HDAC4: variants seen among roughly 807,000 people sequenced by gnomAD.
HDAC4 encodes histone deacetylase 4, also known as histone deacetylase A.
HDAC4 carries 16 observed loss-of-function variants against 135.1 expected under a neutral mutation model. That is an observed-to-expected ratio of 0.12 (90% CI 0.08 to 0.18). The LOEUF is 0.18. Among genes scored for constraint, HDAC4 ranks in the 10% least tolerant of loss-of-function variants. The pLI is 1.00. For synonymous variants in HDAC4, 685 were observed against 653.4 expected, an observed-to-expected ratio of 1.05 and a Z score of -0.74; for missense variants, 1,143 against 1,511.8, an observed-to-expected ratio of 0.76 and a Z score of 4.05.
At position 239,052,321 on chromosome 2, in the gene HDAC4, A is replaced by C. The variant is rs900041386; in HGVS notation, c.*776T>G. 1 of 152,308 alleles carries C rather than the reference A, an allele frequency of 6.6e-6. No homozygotes were observed. The highest frequency in any genetic ancestry group is 2.4e-5 in the African/African-American group (1 of 41,452). The allele number at this position is 152,308 out of a possible 1,614,324, so 9.4% of individuals were successfully genotyped here. On this transcript the variant is annotated 3_prime_UTR_variant, in exon 27 of 27. Coordinates refer to ENST00000543185, the MANE Select transcript of HDAC4 (RefSeq NM_001378414.1). ...ACTGCCAGGCTCGGCTGGCCACAGG[A>C]AACTGTCCCACCGATTCCTGCTGTT...
In HDAC4 at chr2:239,189,980, C is replaced by G; in HGVS notation, c.192G>C (p.Pro64=). The change falls in exon 4 of 27, where the codon CCG becomes CCC. Residue 64 remains proline, a synonymous_variant. Transcript: ENST00000543185. ...DHQFSLPVAE[P]ALREQQLQQE... ...GCTGCAGCTGCTGCTCCCGCAGGGC[C>G]GGCTCTGCCACAGGCAGTGAGAACT... is the stretch of plus-strand genomic sequence containing the variant. 1 of 1,607,494 alleles carries G rather than the reference C, an allele frequency of 6.2e-7. No individual in the cohort carries two copies. Among genetic ancestry groups the G allele is most frequent in the Non-Finnish European group, 8.5e-7 (1 of 1,179,906 alleles).
chr2:239,110,868 G>A (rs62189557), intron 14 of HDAC4, among the ~76,000 whole-genome samples: 14,661 of 152,258 alleles, frequency 0.096, 1,064 homozygotes, highest in Admixed American at 0.24. Context: ...TCTCCTCCCC[G>A]GCTCTGGCTA....
At chr2:239,336,057 AAAC>A (rs985106214) in intron 2 of HDAC4, among the ~76,000 whole-genome samples, 1 of 152,234 alleles carries the variant, frequency 6.6e-6, no homozygotes, top group Non-Finnish European at 1.5e-5. Flanking sequence ...TTAAATGAAG[AAAC>A]TACTACTATA....
chr2:239,156,770 T>C lies in HDAC4; in HGVS notation c.615A>G (p.Lys205=). 6.2e-7 allele frequency: 1 copy of C among 1,614,156 alleles called. No individual in the cohort carries two copies. The highest frequency in any genetic ancestry group is 8.5e-7 in the Non-Finnish European group (1 of 1,180,030). The change falls in exon 7 of 27, where the codon AAA becomes AAG. Residue 205 remains lysine (K), a synonymous_variant. Transcript: ENST00000543185. Reference sequence around the variant, plus strand: ...TCTGGTCAAGGGAACTGTGCTGCGTTTTCCTGGAGAGAAGGCAAAGACAGA... The same window carrying C: ...TCTGGTCAAGGGAACTGTGCTGCGTCTTCCTGGAGAGAAGGCAAAGACAGA... ...ISSDPRYWYG[K]TQHSSLDQSS...
Position 239,111,635 on chromosome 2 carries a change from G to C in HDAC4, c.1869C>G (p.Pro623=). The C allele has an allele frequency of 6.2e-7, 1 of 1,608,920 alleles. No homozygotes were observed. ...YQASMEAAGI[P]VSFGGHRPLS... ...GAGGCCTGTGGCCGCCGAAGGACAC[G>C]GGGATGCCGGCGGCCTCCATGGACG... is the stretch of plus-strand genomic sequence containing the variant. Residue 623 remains proline (P), a synonymous_variant, in exon 14 of 27, where the codon CCC becomes CCG. Coordinates refer to ENST00000543185, the MANE Select transcript of HDAC4 (RefSeq NM_001378414.1).
intron 3 of HDAC4, among the ~76,000 whole-genome samples, chr2:239,195,087 T>A (rs1404726167): frequency 6.6e-6 from 1 of 152,164 alleles, no homozygotes; most frequent in Admixed American, 6.5e-5. Flanking sequence ...GGGGCTTCGG[T>A]GGGCACCGAG....
intron 3 of HDAC4, among the ~76,000 whole-genome samples, chr2:239,219,179 T>C (rs1164002853): frequency 6.6e-6 from 1 of 150,480 alleles, no homozygotes; most frequent in African/African-American, 2.4e-5. Context: ...CGTATGTTTA[T>C]TGCGGCACTA....
At chr2:239,398,087 C>T (rs1696686231) in intron 1 of HDAC4, among the ~76,000 whole-genome samples, 1 of 146,218 alleles carries the variant, frequency 6.8e-6, no homozygotes, top group Admixed American at 6.9e-5. Context: ...CCCAGCTAGT[C>T]ATCAATTCTG....
At chr2:239,079,002 C>T (rs906644191) in intron 22 of HDAC4, among the ~76,000 whole-genome samples, 3 of 152,234 alleles carry the variant, frequency 2.0e-5, no homozygotes, top group Non-Finnish European at 4.4e-5. Context: ...AGTGTTCACT[C>T]AGGCAGGAAG....
intron 16 of HDAC4, among the ~76,000 whole-genome samples, chr2:239,099,850 T>C (rs776169799): frequency 1.3e-5 from 2 of 152,222 alleles, no homozygotes; most frequent in African/African-American, 2.4e-5. Flanking sequence ...GCCTCCATGA[T>C]GGGCCTCCCA....
Position 239,108,042 on chromosome 2 carries a change from G to C in HDAC4, c.2112+8C>G, listed in dbSNP as rs1406747025. 5 of 1,610,656 alleles carry C rather than the reference G, an allele frequency of 3.1e-6. No homozygotes were observed. The East Asian group carries it at 1.1e-4, about 36-fold the overall frequency. On this transcript the variant is annotated splice_region_variant and intron_variant, in intron 15 of 26. Transcript: ENST00000543185. ...CCGCAGCTGCCCACCTGCCCCGGTC[G>C]GCGTTACCTCGCATTTGCCCCGGAG...
intron 6 of HDAC4, among the ~76,000 whole-genome samples, chr2:239,160,779 A>G (rs560546913): frequency 1.3e-5 from 2 of 152,380 alleles, no homozygotes; most frequent in South Asian, 4.1e-4. Flanking sequence ...TGACCGTAAG[A>G]TGACGACTCG....
intron 2 of HDAC4, among the ~76,000 whole-genome samples, chr2:239,348,518 A>T (rs970044272): frequency 6.6e-6 from 1 of 152,250 alleles, no homozygotes. Context: ...TACTTGGAGA[A>T]CTGTCCTTGG....
intron 2 of HDAC4, among the ~76,000 whole-genome samples, chr2:239,280,468 C>T (rs887279242): frequency 2.6e-5 from 4 of 152,168 alleles, no homozygotes; most frequent in Admixed American, 6.5e-5. Flanking sequence ...CTCCGATGGG[C>T]GAGCCAGGGG....
intron 11 of HDAC4, among the ~76,000 whole-genome samples, chr2:239,128,114 C>T (rs796557974): frequency 2.6e-5 from 4 of 152,308 alleles, no homozygotes; most frequent in African/African-American, 9.6e-5. Context: ...TTTCACCCAA[C>T]CCCACAACTT....
intron 2 of HDAC4, among the ~76,000 whole-genome samples, chr2:239,275,691 G>A (rs1408215887): frequency 1.3e-5 from 2 of 152,202 alleles, no homozygotes; most frequent in South Asian, 2.1e-4. Flanking sequence ...GCCTCAGAGT[G>A]AGGCTGGGGG....
At chr2:239,378,424 G>C (rs148266071) in intron 1 of HDAC4, among the ~76,000 whole-genome samples, 2 of 152,124 alleles carry the variant, frequency 1.3e-5, no homozygotes, top group East Asian at 3.8e-4. Context: ...ACGTGACCAC[G>C]GCTGTTCTGA....
chr2:239,376,157 C>T (rs949373275), intron 1 of HDAC4, among the ~76,000 whole-genome samples: 4 of 149,964 alleles, frequency 2.7e-5, no homozygotes, highest in Non-Finnish European at 4.4e-5. Flanking sequence ...CCTCCACCAT[C>T]CAAACACCAA....
chr2:239,113,348 C>G (rs576716962), intron 13 of HDAC4, among the ~76,000 whole-genome samples: 1 of 152,266 alleles, frequency 6.6e-6, no homozygotes, highest in South Asian at 2.1e-4. Flanking sequence ...GGAGCAGGAG[C>G]CAGCACCCAC....
Sources: allele counts gnomAD v4.1 joint callset (sites outside exome capture counted in the v4.1 genomes callset), GRCh38; gene constraint gnomAD v4.1.1; transcripts MANE v1.5; gene names NCBI Gene and HGNC (gene_info 2026-07-23, HGNC 2026-07-21).